The following OR2T6 variants were observed in gnomAD, a reference collection of about 807,000 sequenced individuals.
The protein encoded by OR2T6 is olfactory receptor family 2 subfamily T member 6.
For synonymous variants in OR2T6, 174 were observed against 148.0 expected (o/e 1.18, Z -1.27); for missense variants, 424 against 391.6 (o/e 1.08, Z -0.70).
intron 1 of OR2T6, among the ~76,000 whole-genome samples, chr1:248,379,090 G>T (rs1345501650): frequency 2.0e-5 from 3 of 152,160 alleles, no homozygotes; most frequent in African/African-American, 7.2e-5. Flanking sequence ...TAGGACAATT[G>T]CTTGAGCCCA....
chr1:248,388,064 G>T lies in OR2T6; in HGVS notation c.456G>T (p.Gly152=), dbSNP rs755345342. The T allele has an allele frequency of 6.2e-7, 1 of 1,613,940 alleles. No homozygotes were observed. The highest frequency in any genetic ancestry group is 8.5e-7 in the Non-Finnish European group (1 of 1,179,984). ...TCCTGGCCAGCTCTTGGTTCGGTGG[G>T]GCTTTGGACAGTTTTCTCCTCACCC... is the stretch of plus-strand genomic sequence containing the variant. ...WMILASSWFG[G]ALDSFLLTPI... is the part of the protein sequence containing the mutation. The change falls in exon 3 of 3, where the codon GGG becomes GGT. Residue 152 remains glycine, a synonymous_variant. Transcript: ENST00000641644.
chr1:248,391,462 A>C lies in OR2T6; in HGVS notation c.*2927A>C, dbSNP rs746971405. On this transcript the variant is annotated 3_prime_UTR_variant, in exon 3 of 3. Coordinates refer to ENST00000641644, the MANE Select transcript of OR2T6 (RefSeq NM_001005471.2). Reference sequence around the variant, plus strand: ...TAAGTGTTGCAAGGGGTCTGGGGGAAGTATGGATGGATGGACAGAGCACAG... The same window carrying C: ...TAAGTGTTGCAAGGGGTCTGGGGGACGTATGGATGGATGGACAGAGCACAG... 1.3e-5 allele frequency: 2 copies of C among 152,200 alleles called. No individual in the cohort carries two copies. Among genetic ancestry groups the C allele is most frequent in the Non-Finnish European group, 2.9e-5 (2 of 68,046 alleles). The allele number at this position is 152,200 out of a possible 1,614,324, so 9.4% of individuals were successfully genotyped here. A position where few individuals can be genotyped will look rare whatever the true frequency, so the allele number is the denominator to read the frequency against.
intron 1 of OR2T6, among the ~76,000 whole-genome samples, chr1:248,382,881 A>T (rs1303339599): frequency 6.6e-6 from 1 of 152,170 alleles, no homozygotes; most frequent in East Asian, 1.9e-4. Flanking sequence ...AGAGCTACTC[A>T]AGTTTTATCC....
rs1252964950 is a variant in OR2T6, at chr1:248,390,875, C to A, written c.*2340C>A. ...CAACTTTCTTTTTTATAAAATTTGA[C>A]TTAATACATACTTTTTTTCTTGTAA... On this transcript the variant is annotated 3_prime_UTR_variant, in exon 3 of 3. Transcript: ENST00000641644. The A allele has an allele frequency of 3.3e-5, 5 of 152,278 alleles. No individual in the cohort carries two copies. The highest frequency in any genetic ancestry group is 4.4e-5 in the Non-Finnish European group (3 of 68,026). 9.4% of individuals were successfully genotyped at this position (152,278 alleles called of 1,614,324 possible).
At chr1:248,380,292 T>C (rs1429312358) in intron 1 of OR2T6, among the ~76,000 whole-genome samples, 3 of 151,992 alleles carry the variant, frequency 2.0e-5, no homozygotes, top group Non-Finnish European at 4.4e-5. Flanking sequence ...ATACTATAAA[T>C]ATTTTATCAC....
chr1:248,382,022 G>T (rs1661042034), intron 1 of OR2T6, among the ~76,000 whole-genome samples: 1 of 152,104 alleles, frequency 6.6e-6, no homozygotes, highest in Non-Finnish European at 1.5e-5. Flanking sequence ...TGAAACTTGG[G>T]CCCTTTCTAT....
Position 248,388,384 on chromosome 1 carries a change from A to G in OR2T6, c.776A>G (p.Tyr259Cys), listed in dbSNP as rs545894740. The G allele has an allele frequency of 6.9e-5, 112 of 1,613,352 alleles. No individual in the cohort carries two copies. The highest frequency in any genetic ancestry group is 1.8e-4 in the Admixed American group (11 of 59,986). Residue 259 changes from tyrosine (Y) to cysteine (C), a missense_variant, in exon 3 of 3, where the codon TAT (tyrosine) becomes TGT (cysteine). Coordinates refer to ENST00000641644, the MANE Select transcript of OR2T6 (RefSeq NM_001005471.2). Reference protein sequence around the residue: ...TLFYGAALYTYTLPQSYHTPI... With the variant: ...TLFYGAALYTCTLPQSYHTPI... Reference sequence around the variant, plus strand: ...TTCTATGGGGCTGCCTTGTATACGTATACGCTTCCCCAATCTTACCACACC... The same window carrying G: ...TTCTATGGGGCTGCCTTGTATACGTGTACGCTTCCCCAATCTTACCACACC...
Position 248,390,394 on chromosome 1 carries a change from C to T in OR2T6, c.*1859C>T, listed in dbSNP as rs541472853. Reference sequence around the variant, plus strand: ...TGTACTGTCATTGGTTTAACAAAATCCAAGCCGGGTTCAGTGACGTTCTGC... The same window carrying T: ...TGTACTGTCATTGGTTTAACAAAATTCAAGCCGGGTTCAGTGACGTTCTGC... On this transcript the variant is annotated 3_prime_UTR_variant, in exon 3 of 3. Transcript: ENST00000641644. 3.9e-5 allele frequency: 6 copies of T among 152,268 alleles called. No homozygotes were observed. The highest frequency in any genetic ancestry group is 3.4e-3 in the Middle Eastern group (1 of 294). 9.4% of individuals were successfully genotyped at this position (152,268 alleles called of 1,614,324 possible).
In OR2T6 at chr1:248,389,150, AAT is replaced by A. The variant is rs1661206709; in HGVS notation, c.*616_*617del. The A allele has an allele frequency of 1.3e-5, 2 of 152,226 alleles. No individual in the cohort carries two copies. Among genetic ancestry groups the A allele is most frequent in the South Asian group, 4.1e-4 (2 of 4,832 alleles). 9.4% of individuals were successfully genotyped at this position (152,226 alleles called of 1,614,324 possible). A position where few individuals can be genotyped will look rare whatever the true frequency, so the allele number is the denominator to read the frequency against. On this transcript the variant is annotated 3_prime_UTR_variant, in exon 3 of 3. Coordinates refer to ENST00000641644, the MANE Select transcript of OR2T6 (RefSeq NM_001005471.2). ...GTGTTTTGTAGAAATGCCAAGACTAAATCTTTATGGGGGAGGGAGTCTGTAAT... is the reference window on the plus strand; with the variant it reads ...GTGTTTTGTAGAAATGCCAAGACTAACTTTATGGGGGAGGGAGTCTGTAAT...
chr1:248,386,823 A>G (rs759421439), intron 2 of OR2T6, among the ~76,000 whole-genome samples: 2 of 152,142 alleles, frequency 1.3e-5, no homozygotes, highest in African/African-American at 2.4e-5. Context: ...ATTTTCTTTT[A>G]TCTTTCATTG....
chr1:248,385,138 G>T (rs1305957021), intron 2 of OR2T6, among the ~76,000 whole-genome samples: 1 of 152,184 alleles, frequency 6.6e-6, no homozygotes, highest in African/African-American at 2.4e-5. Context: ...CCCTGCTGCA[G>T]AGAAAATCTG....
Position 248,387,605 on chromosome 1 carries a change from T to C in OR2T6, c.-4T>C, listed in dbSNP as rs1447580178. 6.4e-7 allele frequency: 1 copy of C among 1,560,114 alleles called. No homozygotes were observed. Among genetic ancestry groups the C allele is most frequent in the Admixed American group, 1.8e-5 (1 of 56,674 alleles). On this transcript the variant is annotated splice_region_variant and 5_prime_UTR_variant, in exon 3 of 3. Transcript: ENST00000641644. Reference sequence around the variant, plus strand: ...TCTTATGCCTCCATTTCAAACTCAGTACCATGAATGAAAACAATGAAACCT... The same window carrying C: ...TCTTATGCCTCCATTTCAAACTCAGCACCATGAATGAAAACAATGAAACCT...
At position 248,388,726 on chromosome 1, in the gene OR2T6, A is replaced by G. The variant is rs540629045; in HGVS notation, c.*191A>G. 5.2e-5 allele frequency: 25 copies of G among 477,458 alleles called. No homozygotes were observed. The South Asian group carries it at 1.4e-3, about 26-fold the overall frequency. The allele number at this position is 477,458 out of a possible 1,614,324, so 29.6% of individuals were successfully genotyped here. ...AAGTTGCTGTAACAGTCACACACAA[A>G]TAATGCCAGAGTTCTAGAAACACCA... is the stretch of plus-strand genomic sequence containing the variant. On this transcript the variant is annotated 3_prime_UTR_variant, in exon 3 of 3. Coordinates refer to ENST00000641644, the MANE Select transcript of OR2T6 (RefSeq NM_001005471.2).
rs1192713049 is a variant in OR2T6 at position 248,388,252 on chromosome 1, C to T, written c.644C>T (p.Thr215Ile). 1 of 1,613,968 alleles carries T rather than the reference C, an allele frequency of 6.2e-7. No individual in the cohort carries two copies. The highest frequency in any genetic ancestry group is 2.2e-5 in the East Asian group (1 of 44,850). Reference protein sequence around the residue: ...AMLLIPFSVVTASYTRILITV... With the variant: ...AMLLIPFSVVIASYTRILITV... ...CTGCTGATCCCCTTCTCGGTGGTGA[C>T]TGCATCCTACACCAGGATTCTCATC... is the stretch of plus-strand genomic sequence containing the variant. Residue 215 changes from threonine (T) to isoleucine (I), a missense_variant, in exon 3 of 3, where the codon ACT becomes ATT. Coordinates refer to ENST00000641644, the MANE Select transcript of OR2T6 (RefSeq NM_001005471.2).
chr1:248,380,952 A>G (rs1212679163), intron 1 of OR2T6, among the ~76,000 whole-genome samples: 2 of 151,630 alleles, frequency 1.3e-5, no homozygotes, highest in Non-Finnish European at 3.0e-5. Context: ...GCATTTTTTT[A>G]GTTTTCTTTT....
intron 1 of OR2T6, among the ~76,000 whole-genome samples, chr1:248,377,898 T>A (rs1246212385): frequency 6.6e-6 from 1 of 152,232 alleles, no homozygotes; most frequent in Non-Finnish European, 1.5e-5. Context: ...TGCACATATA[T>A]GTTTGTAAAC....
intron 1 of OR2T6, among the ~76,000 whole-genome samples, chr1:248,378,956 T>G (rs1660987111): frequency 6.6e-6 from 1 of 152,150 alleles, no homozygotes; most frequent in Non-Finnish European, 1.5e-5. Flanking sequence ...GAAGATTTCT[T>G]CAGGCCAGAA....
rs1210922974 is a variant in OR2T6, at chr1:248,387,878, G to T, written c.270G>T (p.Gly90=). 6.3e-7 allele frequency: 1 copy of T among 1,596,770 alleles called. No individual in the cohort carries two copies. Among genetic ancestry groups the T allele is most frequent in the Non-Finnish European group, 8.6e-7 (1 of 1,168,800 alleles). The change falls in exon 3 of 3, where the codon GGG becomes GGT. Residue 90 remains glycine, a synonymous_variant. Transcript: ENST00000641644. ...TGGTAGATTATCTCATGGGCGAGGG[G>T]ACCATCTCTTTCATCGCCTGCACTG... The part of the protein sequence containing the change: ...KMLVDYLMGE[G]TISFIACTAQ...
In OR2T6 at chr1:248,388,234, TC is replaced by T. The variant is rs1661182397; in HGVS notation, c.630del (p.Phe211SerfsTer4). 6.2e-7 allele frequency: 1 copy of T among 1,613,412 alleles called. No homozygotes were observed. The highest frequency in any genetic ancestry group is 8.5e-7 in the Non-Finnish European group (1 of 1,179,934). ...GTGTGCTGCGTTGCAATGCTGCTGA[TC>T]CCCTTCTCGGTGGTGACTGCATCCT... ...MYVCCVAMLL[I>X]PFSVVTASYT... On this transcript the variant is annotated frameshift_variant, in exon 3 of 3. Coordinates refer to ENST00000641644, the MANE Select transcript of OR2T6 (RefSeq NM_001005471.2). LOFTEE classifies it low-confidence loss of function (END_TRUNC).
Sources: gnomAD v4.1 joint callset for allele counts (sites outside exome capture counted in the v4.1 genomes callset) on GRCh38, gnomAD v4.1.1 for gene constraint, MANE v1.5 for transcripts, NCBI Gene and HGNC (gene_info 2026-07-23, HGNC 2026-07-21) for gene names.